Variants in ADAMTS12 observed in about 807,000 individuals in gnomAD.
ADAMTS12 encodes the protein A disintegrin and metalloproteinase with thrombospondin motifs 12.
A neutral mutation model predicts 167.8 loss-of-function variants in ADAMTS12; 118 were observed. That is an observed-to-expected ratio of 0.70 (90% CI 0.61 to 0.82). ADAMTS12 has a LOEUF of 0.82. Among genes scored for constraint, ADAMTS12 ranks in the 40% least tolerant of loss-of-function variants. The pLI, the probability that ADAMTS12 is intolerant of heterozygous loss-of-function variation, is 0.00. For synonymous variants in ADAMTS12, 704 were observed against 716.9 expected (o/e 0.98, Z 0.29); for missense variants, 1,916 against 1,998.8 (o/e 0.96, Z 0.79).
intron 12 of ADAMTS12, among the ~76,000 whole-genome samples, chr5:33,632,442 A>C (rs983601298): frequency 8.5e-6 from 1 of 117,206 alleles, no homozygotes; most frequent in East Asian, 2.8e-4. Flanking sequence ...AGATAAAAGC[A>C]AATATGTAAA....
At chr5:33,888,116 T>A (rs1438773283) in intron 1 of ADAMTS12, 1 of 152,244 alleles carries the variant, frequency 6.6e-6, no homozygotes, top group Admixed American at 6.5e-5. Context: ...ACGCTAATCT[T>A]CTCTGTATCG....
At chr5:33,674,466 G>A (rs1741828112) in intron 5 of ADAMTS12, among the ~76,000 whole-genome samples, 1 of 152,178 alleles carries the variant, frequency 6.6e-6, no homozygotes, top group Non-Finnish European at 1.5e-5. Context: ...AGCCTTAGAA[G>A]ATAGTCTTTT....
chr5:33,654,287 T>C (rs1740964912), intron 7 of ADAMTS12, among the ~76,000 whole-genome samples: 1 of 152,250 alleles, frequency 6.6e-6, no homozygotes, highest in African/African-American at 2.4e-5. Context: ...CTAAAATCTG[T>C]CATCTCTTGA....
intron 6 of ADAMTS12, among the ~76,000 whole-genome samples, chr5:33,658,821 A>T (rs1741151076): frequency 6.6e-6 from 1 of 152,204 alleles, no homozygotes; most frequent in African/African-American, 2.4e-5. Flanking sequence ...CAGAGATTTA[A>T]TACTTGTCTA....
intron 12 of ADAMTS12, among the ~76,000 whole-genome samples, chr5:33,635,021 C>T (rs1579780936): frequency 6.6e-6 from 1 of 152,014 alleles, no homozygotes; most frequent in Admixed American, 6.6e-5. Context: ...ACCACTATGC[C>T]TGGCTGTATT....
chr5:33,678,337 G>T (rs912259672), intron 5 of ADAMTS12, among the ~76,000 whole-genome samples: 3 of 152,098 alleles, frequency 2.0e-5, no homozygotes, highest in Admixed American at 1.3e-4. Flanking sequence ...ATTTATTGAG[G>T]GTCTATTATA....
intron 3 of ADAMTS12, among the ~76,000 whole-genome samples, chr5:33,687,723 C>CTGTATATA (rs1177163731): frequency 6.6e-6 from 1 of 152,186 alleles, no homozygotes; most frequent in Non-Finnish European, 1.5e-5. Flanking sequence ...GGGGAGAGGA[C>CTGTATATA]TGTATATATG....
chr5:33,785,335 C>T (rs766128461), intron 2 of ADAMTS12, among the ~76,000 whole-genome samples: 12 of 151,970 alleles, frequency 7.9e-5, no homozygotes, highest in Non-Finnish European at 1.5e-4. Flanking sequence ...TCAACAAAAT[C>T]GCAAACTTTG....
At chr5:33,811,622 G>A (rs1747465466) in intron 2 of ADAMTS12, among the ~76,000 whole-genome samples, 1 of 152,160 alleles carries the variant, frequency 6.6e-6, no homozygotes, top group Admixed American at 6.5e-5. Flanking sequence ...AGAAAATGGG[G>A]CCATATCCTC....
rs189872362 is a variant in ADAMTS12 at position 33,614,857 on chromosome 5, A to G, written c.2389-481T>C. ...GATTGTTGTGAGGGTTAAATGAGTA[A>G]ACACATGGAAAGTGGTTAGAACAGT... On this transcript the variant is annotated intron_variant, in intron 15 of 23. Transcript: ENST00000504830. 9.2e-5 allele frequency among the ~76,000 whole-genome samples: 14 copies of G among 152,364 alleles called. No homozygotes were observed. In the East Asian group the frequency reaches 2.7e-3, roughly 29 times the overall value.
At chr5:33,854,816 T>C (rs1008777673) in intron 2 of ADAMTS12, among the ~76,000 whole-genome samples, 8 of 152,336 alleles carry the variant, frequency 5.3e-5, no homozygotes, top group Middle Eastern at 3.4e-3. Context: ...CAAAGTCTCA[T>C]GTCTGAGTAA....
chr5:33,614,449 C>A, intron 15 of ADAMTS12, 73 bp from the exon 16 acceptor site: 8 of 1,567,754 alleles, frequency 5.1e-6, no homozygotes, highest in Non-Finnish European at 7.0e-6. Flanking sequence ...AAAAACACCA[C>A]AAAATGTCAG....
rs1462170267 is a variant in ADAMTS12 at position 33,729,523 on chromosome 5, A to T, written c.634+21881T>A. Among the ~76,000 whole-genome samples, 2 of 152,246 alleles carry T rather than the reference A, an allele frequency of 1.3e-5. 1 individual carries two copies. The highest frequency in any genetic ancestry group is 4.8e-5 in the African/African-American group (2 of 41,464). On this transcript the variant is annotated intron_variant, in intron 3 of 23. Coordinates refer to ENST00000504830, the MANE Select transcript of ADAMTS12 (RefSeq NM_030955.4). ...AAAGTTAAGGTTATTTTCAAGACCT[A>T]ACTGGCTTTGTCTGCTCAGGGAGTT...
Position 33,588,627 on chromosome 5 carries a change from G to A in ADAMTS12, c.2837C>T (p.Ser946Leu), listed in dbSNP as rs759930119. Residue 946 changes from serine (S) to leucine (L), a missense_variant, in exon 18 of 24, where the codon TCG becomes TTG. Physicochemically the swap from Ser to Leu is moderately radical, Grantham distance 145. Transcript: ENST00000504830. ...ACTCCAGTTGCCCACTGTCCAGTCCGAGGGGCACAGGATGTCTCTGTTGCA... is the reference window on the plus strand; with the variant it reads ...ACTCCAGTTGCCCACTGTCCAGTCCAAGGGGCACAGGATGTCTCTGTTGCA... ...LSCNRDILCP[S>L]DWTVGNWSEC... The A allele has an allele frequency of 3.1e-6, 5 of 1,614,038 alleles. No homozygotes were observed. Among genetic ancestry groups the A allele is most frequent in the East Asian group, 2.2e-5 (1 of 44,894 alleles).
intron 2 of ADAMTS12, among the ~76,000 whole-genome samples, chr5:33,836,558 G>A (rs904199612): frequency 2.6e-5 from 4 of 152,154 alleles, no homozygotes; most frequent in Non-Finnish European, 5.9e-5. Context: ...ATTACAGCAG[G>A]GGAGGCAGAC....
chr5:33,574,124 T>C (rs1488044795), intron 19 of ADAMTS12, among the ~76,000 whole-genome samples: 3 of 151,106 alleles, frequency 2.0e-5, no homozygotes, highest in Non-Finnish European at 3.0e-5. Flanking sequence ...TGTGGAGAAA[T>C]AGGAACACTT....
At chr5:33,573,387 G>T (rs1177239) in intron 19 of ADAMTS12, among the ~76,000 whole-genome samples, 5 of 152,158 alleles carry the variant, frequency 3.3e-5, no homozygotes, top group African/African-American at 9.7e-5. Context: ...GCATGGTACT[G>T]GTACCAAAAC....
At chr5:33,816,837 A>T (rs6895892) in intron 2 of ADAMTS12, among the ~76,000 whole-genome samples, 36,171 of 152,104 alleles carry the variant, frequency 0.24, 5,198 homozygotes, top group South Asian at 0.61. Context: ...TTAACTTAGT[A>T]GCCTATTTCT....
rs1747479066 is a variant in ADAMTS12, at chr5:33,588,626, C to G, written c.2838G>C (p.Ser946=). 1.2e-5 allele frequency: 20 copies of G among 1,614,084 alleles called. No homozygotes were observed. The highest frequency in any genetic ancestry group is 1.7e-5 in the Non-Finnish European group (20 of 1,180,016). ...LSCNRDILCP[S]DWTVGNWSEC... is the part of the protein sequence containing the mutation. ...CACTCCAGTTGCCCACTGTCCAGTC[C>G]GAGGGGCACAGGATGTCTCTGTTGC... The change falls in exon 18 of 24, where the codon TCG becomes TCC. Residue 946 remains serine (S), a synonymous_variant. Coordinates refer to ENST00000504830, the MANE Select transcript of ADAMTS12 (RefSeq NM_030955.4).
Sources: allele counts gnomAD v4.1 joint callset (sites outside exome capture counted in the v4.1 genomes callset), GRCh38; gene constraint gnomAD v4.1.1; transcripts MANE v1.5; gene names NCBI Gene and HGNC (gene_info 2026-07-23, HGNC 2026-07-21).